The following TTC3 variants were observed in gnomAD, a reference collection of about 807,000 sequenced individuals.
The protein encoded by TTC3 is tetratricopeptide repeat domain 3, also known as E3 ubiquitin-protein ligase TTC3.
In TTC3, 180 loss-of-function variants were observed where a neutral mutation model predicts 249.6. The ratio of observed to expected loss-of-function variants is 0.72; its 90% CI spans 0.64 to 0.82. The LOEUF (loss-of-function observed/expected upper bound fraction) is 0.82. Among genes scored for constraint, TTC3 ranks in the 40% least tolerant of loss-of-function variants. The pLI, the probability that TTC3 is intolerant of heterozygous loss-of-function variation, is 0.00. For missense variants in TTC3, 2,061 were observed against 2,398.4 expected (o/e 0.86, Z 2.94); for synonymous variants, 717 against 805.0 (o/e 0.89, Z 1.85).
chr21:37,116,299 G>T (rs112059789), intron 11 of TTC3, among the ~76,000 whole-genome samples: 1 of 152,298 alleles, frequency 6.6e-6, no homozygotes, highest in African/African-American at 2.4e-5. Flanking sequence ...TATCTATCGA[G>T]TTCATGATAG....
Position 37,121,916 on chromosome 21 carries a change from GAGGGAATC to G in TTC3, c.1002_1009del (p.Ile336SerfsTer22), listed in dbSNP as rs1251910879. 1 of 1,613,050 alleles carries G rather than the reference GAGGGAATC, an allele frequency of 6.2e-7. No individual in the cohort carries two copies. The highest frequency in any genetic ancestry group is 8.5e-7 in the Non-Finnish European group (1 of 1,179,602). The stretch of plus-strand genomic sequence containing the variant: ...TCAAAAACTCTGTAAAAATGACCCT[GAGGGAATC>G]AAGGATCTAATTCAGCAGCATGTAA... On this transcript the variant is annotated frameshift_variant, in exon 12 of 46. Transcript: ENST00000355666. LOFTEE classifies it high-confidence loss of function.
chr21:37,108,936 TG>T (rs2075343270), intron 11 of TTC3, among the ~76,000 whole-genome samples: 2 of 152,196 alleles, frequency 1.3e-5, no homozygotes, highest in Non-Finnish European at 2.9e-5. Flanking sequence ...CATATATAAC[TG>T]GTAGGATTTA....
chr21:37,201,769 A>G, exon 46 of TTC3: 1 of 729,402 alleles, frequency 1.4e-6, no homozygotes, highest in Non-Finnish European at 2.1e-6. Context: ...GATTGCCAAC[A>G]GTGGCTAATA....
At chr21:37,114,612 A>C (rs1568956092) in intron 11 of TTC3, among the ~76,000 whole-genome samples, 1 of 152,174 alleles carries the variant, frequency 6.6e-6, no homozygotes, top group East Asian at 1.9e-4. Flanking sequence ...ACCATTGTGG[A>C]AGTCAGTGTG....
At chr21:37,167,514 G>C (rs201729272) in intron 33 of TTC3, 41 bp from the exon 34 acceptor site, 1 of 1,454,352 alleles carries the variant, frequency 6.9e-7, no homozygotes, top group South Asian at 1.2e-5. Context: ...TTACTAGAGC[G>C]ATTGAGATAA....
At chr21:37,161,034 A>G (rs2080688776) in intron 30 of TTC3, among the ~76,000 whole-genome samples, 176 bp downstream of exon 30, 1 of 151,976 alleles carries the variant, frequency 6.6e-6, no homozygotes, top group African/African-American at 2.4e-5. Context: ...CCAGGTTCAT[A>G]TTATATAATA....
At chr21:37,138,405 C>G (rs1215062563) in intron 18 of TTC3, among the ~76,000 whole-genome samples, 1 of 152,178 alleles carries the variant, frequency 6.6e-6, no homozygotes, top group Non-Finnish European at 1.5e-5. Flanking sequence ...TCAAGGAACT[C>G]TGAGACAGTG....
At chr21:37,129,644 T>G (rs2077312525) in intron 16 of TTC3, among the ~76,000 whole-genome samples, 1 of 152,206 alleles carries the variant, frequency 6.6e-6, no homozygotes, top group Non-Finnish European at 1.5e-5. Context: ...TTTTTTTGTT[T>G]TTTTGAGATA....
At position 37,089,855 on chromosome 21, in the gene TTC3, C is replaced by T. The variant is rs566483124; in HGVS notation, c.427-378C>T. Among the ~76,000 whole-genome samples the T allele has an allele frequency of 5.9e-5, 9 of 152,044 alleles. No homozygotes were observed. The South Asian group carries it at 1.5e-3, about 25-fold the overall frequency. ...AAAAATTAGCCGGGTGGTAGTGGCA[C>T]GTGCCTGTAATCCCAGGTAGTTGGG... On this transcript the variant is annotated intron_variant, in intron 5 of 45. Transcript: ENST00000355666.
At chr21:37,175,220 C>T (rs1185109272) in intron 35 of TTC3, among the ~76,000 whole-genome samples, 4 of 142,398 alleles carry the variant, frequency 2.8e-5, no homozygotes, top group Non-Finnish European at 4.5e-5. Context: ...GCCGAGATCA[C>T]GCCACTGCAC....
intron 11 of TTC3, among the ~76,000 whole-genome samples, chr21:37,116,661 A>G (rs2076167577): frequency 1.3e-5 from 2 of 152,056 alleles, no homozygotes; most frequent in South Asian, 4.2e-4. Flanking sequence ...AATTTTAAAA[A>G]ATTACTGGAT....
chr21:37,079,758 T>C (rs1226695319), intron 1 of TTC3, among the ~76,000 whole-genome samples: 1 of 152,026 alleles, frequency 6.6e-6, no homozygotes, highest in Non-Finnish European at 1.5e-5. Context: ...CTTCACAAAC[T>C]CCTGACCTCA....
intron 20 of TTC3, among the ~76,000 whole-genome samples, chr21:37,141,593 C>A (rs1411922179): frequency 1.3e-5 from 2 of 152,030 alleles, no homozygotes; most frequent in Non-Finnish European, 2.9e-5. Flanking sequence ...TATGTTGAAA[C>A]CCTGTCTGTA....
intron 28 of TTC3, among the ~76,000 whole-genome samples, chr21:37,158,919 C>T (rs1271790410): frequency 6.9e-6 from 1 of 144,204 alleles, no homozygotes; most frequent in Non-Finnish European, 1.5e-5. Flanking sequence ...CTATAGTAGC[C>T]TCCAAACTGG....
chr21:37,088,698 A>T lies in TTC3; in HGVS notation c.339-101A>T. The stretch of plus-strand genomic sequence containing the variant: ...TGTTACCTAGAGTGAAGAAAAAGAG[A>T]ACTTATTTTTTAATGGTTTGAGATA... On this transcript the variant is annotated intron_variant, in intron 4 of 45. Transcript: ENST00000355666. 4 of 1,079,448 alleles carry T rather than the reference A, an allele frequency of 3.7e-6. No individual in the cohort carries two copies. In the South Asian group the frequency reaches 6.6e-5, roughly 18 times the overall value. 66.9% of individuals were successfully genotyped at this position (1,079,448 alleles called of 1,614,324 possible). A position where few individuals can be genotyped will look rare whatever the true frequency, so the allele number is the denominator to read the frequency against.
At chr21:37,150,968 T>G in intron 25 of TTC3, 84 bp downstream of exon 25, 1 of 995,702 alleles carries the variant, frequency 1.0e-6, no homozygotes, top group Admixed American at 2.6e-5. Context: ...AAATTATGCC[T>G]TTTTAAAAAT....
intron 35 of TTC3, among the ~76,000 whole-genome samples, chr21:37,177,989 C>T (rs1056459259): frequency 6.6e-6 from 1 of 152,182 alleles, no homozygotes; most frequent in Admixed American, 6.5e-5. Flanking sequence ...TCTCCTGTAT[C>T]CCAGCCCTTG....
exon 38 of TTC3, chr21:37,187,127 G>T (rs780338667): frequency 6.3e-7 from 1 of 1,579,986 alleles, no homozygotes; most frequent in East Asian, 2.3e-5. Flanking sequence ...AGAGTCATCA[G>T]AGAGCTGTGG....
chr21:37,121,811 G>T lies in TTC3; in HGVS notation c.901-6G>T. ...AGAAAAAATTAAATTTATCTTTTTG[G>T]AACAGGGTCATTATCGTTATTGTGA... On this transcript the variant is annotated splice_region_variant and splice_polypyrimidine_tract_variant and intron_variant, in intron 11 of 45. Transcript: ENST00000355666. 6.4e-7 allele frequency: 1 copy of T among 1,552,844 alleles called. No individual in the cohort carries two copies. Among genetic ancestry groups the T allele is most frequent in the Non-Finnish European group, 8.7e-7 (1 of 1,154,724 alleles).
Sources: gnomAD v4.1 joint callset for allele counts (sites outside exome capture counted in the v4.1 genomes callset) on GRCh38, gnomAD v4.1.1 for gene constraint, MANE v1.5 for transcripts, NCBI Gene and HGNC (gene_info 2026-07-23, HGNC 2026-07-21) for gene names.